SV2C: variants seen among roughly 807,000 people sequenced by gnomAD.
SV2C encodes the protein synaptic vesicle glycoprotein 2C.
A neutral mutation model predicts 79.7 loss-of-function variants in SV2C; 49 were observed. That is an observed-to-expected ratio of 0.61 (90% CI 0.49 to 0.78). SV2C has a LOEUF of 0.78. SV2C is among the 30% of genes least tolerant of loss of function. SV2C has a pLI of 0.00. For synonymous variants in SV2C, 334 were observed against 333.2 expected (o/e 1.00, Z -0.03); for missense variants, 833 against 912.9 (o/e 0.91, Z 1.13).
intron 4 of SV2C, among the ~76,000 whole-genome samples, chr5:76,271,149 G>T (rs999332178): frequency 6.6e-6 from 1 of 152,084 alleles, no homozygotes; most frequent in African/African-American, 2.4e-5. Flanking sequence ...AAAATTAAAC[G>T]ATTCCATTTT....
the SV2C span, among the ~76,000 whole-genome samples, chr5:75,995,780 T>C: frequency 1.3e-5 from 2 of 152,144 alleles, no homozygotes; most frequent in African/African-American, 4.8e-5. Flanking sequence ...TAGAAGCTCA[T>C]TCAGGACTTC....
chr5:75,895,812 C>T, the SV2C span, among the ~76,000 whole-genome samples: 537 of 152,134 alleles, frequency 3.5e-3, 1 homozygote, highest in African/African-American at 0.012. Flanking sequence ...TCTTGACTCC[C>T]GGAGCATGTG....
the SV2C span, among the ~76,000 whole-genome samples, chr5:76,053,259 C>T: frequency 3.9e-5 from 6 of 152,254 alleles, no homozygotes; most frequent in African/African-American, 1.4e-4. Context: ...TCAGGTTACA[C>T]GTCTATGTCA....
rs558796716 is a variant in SV2C, at chr5:76,280,659, C to T, written c.914-4503C>T. Among the ~76,000 whole-genome samples the T allele has an allele frequency of 1.8e-4, 27 of 152,272 alleles. No individual in the cohort carries two copies. In the South Asian group the frequency reaches 5.0e-3, roughly 28 times the overall value. The stretch of plus-strand genomic sequence containing the variant: ...GAGCCTGCCCCGGCGGCCTCGTGGC[C>T]GGCTCCGAGGTGGCCTGGCTGCTTT... On this transcript the variant is annotated intron_variant, in intron 4 of 12. Transcript: ENST00000502798.
intron 2 of SV2C, among the ~76,000 whole-genome samples, chr5:76,156,294 G>A (rs1012961084): frequency 1.3e-5 from 2 of 152,162 alleles, no homozygotes; most frequent in Non-Finnish European, 2.9e-5. Context: ...CATACCCAAG[G>A]CTACATCCCC....
At chr5:76,264,752 A>G (rs914936573) in intron 4 of SV2C, among the ~76,000 whole-genome samples, 1 of 152,134 alleles carries the variant, frequency 6.6e-6, no homozygotes, top group South Asian at 2.1e-4. Context: ...TTGCCTGGGT[A>G]TTACCAGCAG....
the SV2C span, among the ~76,000 whole-genome samples, chr5:75,983,225 A>G: frequency 2.6e-5 from 4 of 152,250 alleles, no homozygotes; most frequent in East Asian, 7.8e-4. Flanking sequence ...ACTTAAAATA[A>G]CAGTTAAAAA....
chr5:76,162,147 C>CA (rs1332510857), intron 2 of SV2C, among the ~76,000 whole-genome samples: 2 of 152,006 alleles, frequency 1.3e-5, no homozygotes, highest in East Asian at 3.8e-4. Context: ...ATAGCAACAC[C>CA]AAAGGTATAT....
intron 12 of SV2C, among the ~76,000 whole-genome samples, chr5:76,351,830 T>A (rs997458389): frequency 1.3e-5 from 2 of 152,202 alleles, no homozygotes; most frequent in African/African-American, 2.4e-5. Context: ...CACCCTCGCA[T>A]GGCAAGCTCA....
chr5:76,225,833 C>T (rs1211140612), intron 4 of SV2C, among the ~76,000 whole-genome samples: 2 of 152,082 alleles, frequency 1.3e-5, no homozygotes, highest in African/African-American at 4.8e-5. Flanking sequence ...TGGGATTGAG[C>T]CTTCATTTAA....
the SV2C span, among the ~76,000 whole-genome samples, chr5:75,888,713 C>T: frequency 6.6e-6 from 1 of 152,058 alleles, no homozygotes; most frequent in Non-Finnish European, 1.5e-5. Context: ...TAACAGGTTC[C>T]CGTGGCTTAG....
chr5:76,091,620 A>T (rs1443200912), intron 1 of SV2C: 1 of 152,158 alleles, frequency 6.6e-6, no homozygotes, highest in Non-Finnish European at 1.5e-5. Context: ...CCCCTCTCTA[A>T]TGCAGGTCCT....
intron 2 of SV2C, chr5:76,173,817 C>G: frequency 6.3e-7 from 1 of 1,599,864 alleles, no homozygotes. Context: ...ACAACTCTTT[C>G]ATCTTCCAAG....
chr5:76,118,660 GA>G (rs1748366145), intron 1 of SV2C, among the ~76,000 whole-genome samples: 1 of 152,010 alleles, frequency 6.6e-6, no homozygotes, highest in African/African-American at 2.4e-5. Context: ...CAACCTTTCT[GA>G]GGGGCAGTAT....
At chr5:75,936,289 T>A in the SV2C span, among the ~76,000 whole-genome samples, 1 of 152,180 alleles carries the variant, frequency 6.6e-6, no homozygotes, top group Non-Finnish European at 1.5e-5. Flanking sequence ...CCTCTGCTTT[T>A]TGTTTGCTTG....
the SV2C span, among the ~76,000 whole-genome samples, chr5:75,933,248 A>G: frequency 6.6e-6 from 1 of 152,098 alleles, no homozygotes; most frequent in African/African-American, 2.4e-5. Context: ...CTTATATAGC[A>G]TCCTATTTTT....
chr5:76,057,490 G>C, the SV2C span, among the ~76,000 whole-genome samples: 134 of 150,116 alleles, frequency 8.9e-4, no homozygotes, highest in Middle Eastern at 3.4e-3. Flanking sequence ...TTGGTTTTCT[G>C]TGCTTGCGAT....
intron 4 of SV2C, among the ~76,000 whole-genome samples, chr5:76,233,882 G>A (rs1217486288): frequency 2.0e-5 from 3 of 151,988 alleles, no homozygotes; most frequent in African/African-American, 4.8e-5. Flanking sequence ...GTTCATCAAG[G>A]ATATTGGTCT....
At chr5:76,175,405 A>G (rs1191396362) in intron 2 of SV2C, among the ~76,000 whole-genome samples, 1 of 152,090 alleles carries the variant, frequency 6.6e-6, no homozygotes, top group Non-Finnish European at 1.5e-5. Flanking sequence ...TTTGTCCTTT[A>G]AAGTAGGGGG....
Sources: allele counts gnomAD v4.1 joint callset (sites outside exome capture counted in the v4.1 genomes callset), GRCh38; gene constraint gnomAD v4.1.1; transcripts MANE v1.5; gene names NCBI Gene and HGNC (gene_info 2026-07-23, HGNC 2026-07-21).